Variants in KCNIP4 observed in about 807,000 individuals in gnomAD.
The protein encoded by KCNIP4 is Kv channel-interacting protein 4.
Under a neutral mutation model 34.0 loss-of-function variants are expected in KCNIP4, and 12 were observed. The ratio of observed to expected loss-of-function variants is 0.35; its 90% CI spans 0.23 to 0.57. KCNIP4 has a LOEUF of 0.57. Among genes scored for constraint, KCNIP4 ranks in the 20% least tolerant of loss-of-function variants. KCNIP4 has a pLI of 0.83. For missense variants in KCNIP4, 238 were observed against 311.7 expected (o/e 0.76, Z 1.78); for synonymous variants, 124 against 102.2 (o/e 1.21, Z -1.29).
At chr4:21,474,100 A>G (rs3132) in intron 1 of KCNIP4, among the ~76,000 whole-genome samples, 17,932 of 152,182 alleles carry the variant, frequency 0.12, 1,240 homozygotes, top group South Asian at 0.16. Context: ...GAAAATTGGC[A>G]TCTGTGTAGA....
In KCNIP4 at chr4:20,993,027, CAAAAAA is replaced by C. The variant is rs11416440; in HGVS notation, c.62-110324_62-110319del. Reference sequence around the variant, plus strand: ...CAGGCGACAGAGTGAGACTCCATCTCAAAAAAAAAAAAAAAAAAAAAAAAGAGAGCA... The same window carrying C: ...CAGGCGACAGAGTGAGACTCCATCTCAAAAAAAAAAAAAAAAAAGAGAGCA... On this transcript the variant is annotated intron_variant, in intron 1 of 8. Transcript: ENST00000382152. Among the ~76,000 whole-genome samples the C allele has an allele frequency of 7.4e-4, 31 of 42,072 alleles. 1 individual carries two copies. Among genetic ancestry groups the C allele is most frequent in the African/African-American group, 2.6e-3 (30 of 11,326 alleles). 27.6% of individuals were successfully genotyped at this position (42,072 alleles called of 152,430 possible).
At chr4:21,350,460 C>T (rs1056846636) in intron 1 of KCNIP4, among the ~76,000 whole-genome samples, 9 of 152,112 alleles carry the variant, frequency 5.9e-5, no homozygotes. Flanking sequence ...ATTTATCTGG[C>T]AAGTACAAGG....
At chr4:20,899,178 T>A (rs1726888572) in intron 1 of KCNIP4, among the ~76,000 whole-genome samples, 2 of 152,318 alleles carry the variant, frequency 1.3e-5, no homozygotes, top group African/African-American at 4.8e-5. Context: ...ATAAATTGTA[T>A]TTTTTAAAAA....
intron 1 of KCNIP4, among the ~76,000 whole-genome samples, chr4:21,631,995 T>G (rs1260150619): frequency 6.6e-6 from 1 of 152,206 alleles, no homozygotes. Context: ...CCATCTTTTA[T>G]CAGGCTTTCT....
chr4:20,985,595 A>T (rs547295352), intron 1 of KCNIP4, among the ~76,000 whole-genome samples: 1 of 152,314 alleles, frequency 6.6e-6, no homozygotes, highest in Non-Finnish European at 1.5e-5. Context: ...AGCTGCTACT[A>T]TGAGCTATAA....
chr4:20,948,080 A>G (rs1157993549), intron 1 of KCNIP4, among the ~76,000 whole-genome samples: 1 of 152,230 alleles, frequency 6.6e-6, no homozygotes, highest in Non-Finnish European at 1.5e-5. Flanking sequence ...TGTTAAATGA[A>G]GAAGAAGAAA....
rs57539012 is a variant in KCNIP4, at chr4:21,395,645, C to T, written c.62-512936G>A. On this transcript the variant is annotated intron_variant, in intron 1 of 8. Coordinates refer to ENST00000382152, the MANE Select transcript of KCNIP4 (RefSeq NM_025221.6). ...CTCCCTGACACACATAAACCATTAA[C>T]ATAATAAAAATTTGTATATTTTATT... is the stretch of plus-strand genomic sequence containing the variant. Among the ~76,000 whole-genome samples the T allele has an allele frequency of 6.0e-3, 918 of 152,094 alleles. 18 individuals are homozygous for T. Among genetic ancestry groups the T allele is most frequent in the African/African-American group, 0.021 (863 of 41,502 alleles).
chr4:21,228,728 T>C (rs1222592252), intron 1 of KCNIP4, among the ~76,000 whole-genome samples: 1 of 152,188 alleles, frequency 6.6e-6, no homozygotes, highest in Non-Finnish European at 1.5e-5. Flanking sequence ...TCGATCAGAT[T>C]GCACTAAACC....
intron 1 of KCNIP4, among the ~76,000 whole-genome samples, chr4:20,986,021 A>T (rs992318863): frequency 5.9e-5 from 9 of 152,184 alleles, no homozygotes; most frequent in Admixed American, 5.2e-4. Flanking sequence ...TGTAAGAATT[A>T]ACTAAGTCTG....
intron 3 of KCNIP4, among the ~76,000 whole-genome samples, chr4:20,837,648 T>C (rs2149466473): frequency 6.8e-6 from 1 of 147,732 alleles, no homozygotes; most frequent in Admixed American, 6.8e-5. Context: ...AAATTATTTA[T>C]TGAGTTGTCA....
At chr4:21,314,517 T>G (rs1713526569) in intron 1 of KCNIP4, among the ~76,000 whole-genome samples, 1 of 152,166 alleles carries the variant, frequency 6.6e-6, no homozygotes, top group African/African-American at 2.4e-5. Context: ...AACTGCTGAG[T>G]GGCATGCTAG....
intron 1 of KCNIP4, among the ~76,000 whole-genome samples, chr4:21,831,195 A>T (rs1224275602): frequency 6.6e-6 from 1 of 152,174 alleles, no homozygotes; most frequent in Non-Finnish European, 1.5e-5. Flanking sequence ...AAAGGCTGAC[A>T]TCAAACAAGA....
chr4:20,944,024 G>A (rs1731926740), intron 1 of KCNIP4, among the ~76,000 whole-genome samples: 1 of 152,164 alleles, frequency 6.6e-6, no homozygotes, highest in Non-Finnish European at 1.5e-5. Context: ...TTGACCAGTT[G>A]CTCTACCTAA....
chr4:21,098,670 A>G (rs1282136345), intron 1 of KCNIP4, among the ~76,000 whole-genome samples: 1 of 152,162 alleles, frequency 6.6e-6, no homozygotes. Flanking sequence ...CTGCTTATGG[A>G]CAATACACCT....
At chr4:21,139,966 C>T (rs538340242) in intron 1 of KCNIP4, among the ~76,000 whole-genome samples, 1 of 152,272 alleles carries the variant, frequency 6.6e-6, no homozygotes, top group East Asian at 1.9e-4. Context: ...TACTGAGCTT[C>T]TCACACTGGG....
chr4:21,293,015 C>A (rs751766654), intron 1 of KCNIP4, among the ~76,000 whole-genome samples: 31 of 152,116 alleles, frequency 2.0e-4, no homozygotes, highest in Non-Finnish European at 4.0e-4. Context: ...GGGAGGAGGA[C>A]AAGCATCAGG....
At chr4:21,894,300 G>A (rs887058589) in intron 1 of KCNIP4, among the ~76,000 whole-genome samples, 27 of 151,962 alleles carry the variant, frequency 1.8e-4, no homozygotes, top group African/African-American at 4.3e-4. Context: ...GAGCTACTGC[G>A]CTCCAGCCTG....
intron 1 of KCNIP4, among the ~76,000 whole-genome samples, chr4:21,029,167 T>A (rs1270594945): frequency 1.3e-5 from 2 of 152,200 alleles, no homozygotes; most frequent in Admixed American, 6.5e-5. Flanking sequence ...TAAATCAATC[T>A]ATGAGATCAC....
chr4:21,121,543 T>C (rs1184433821), intron 1 of KCNIP4, among the ~76,000 whole-genome samples: 1 of 152,224 alleles, frequency 6.6e-6, no homozygotes, highest in Non-Finnish European at 1.5e-5. Flanking sequence ...GAAGGCAGCA[T>C]CTTGTAATGA....
Sources: allele counts gnomAD v4.1 joint callset (sites outside exome capture counted in the v4.1 genomes callset), GRCh38; gene constraint gnomAD v4.1.1; transcripts MANE v1.5; gene names NCBI Gene and HGNC (gene_info 2026-07-23, HGNC 2026-07-21).